The following GALNTL6 variants were observed in gnomAD, a reference collection of about 807,000 sequenced individuals.
GALNTL6 encodes polypeptide N-acetylgalactosaminyltransferase like 6.
A neutral mutation model predicts 73.7 loss-of-function variants in GALNTL6; 46 were observed. That is an observed-to-expected ratio of 0.62 (90% CI 0.49 to 0.80). The LOEUF (loss-of-function observed/expected upper bound fraction) is 0.80. Ranked by LOEUF, GALNTL6 falls within the 30% of genes least tolerant of loss-of-function variation. GALNTL6 has a pLI of 0.00. For synonymous variants in GALNTL6, 259 were observed against 263.7 expected (o/e 0.98, Z 0.17); for missense variants, 604 against 755.0 (o/e 0.80, Z 2.34).
At chr4:172,374,415 A>G (rs7689286) in intron 5 of GALNTL6, among the ~76,000 whole-genome samples, 121,668 of 150,966 alleles carry the variant, frequency 0.81, 49,861 homozygotes, top group Non-Finnish European at 0.88. Context: ...TCTGCAGCTG[A>G]TTGGGTAATA....
At chr4:172,670,196 A>G (rs1731897381) in intron 5 of GALNTL6, among the ~76,000 whole-genome samples, 1 of 152,136 alleles carries the variant, frequency 6.6e-6, no homozygotes, top group Non-Finnish European at 1.5e-5. Context: ...GTCAAATGCC[A>G]TTTCTCATAT....
At chr4:172,414,727 G>T (rs184755357) in intron 5 of GALNTL6, among the ~76,000 whole-genome samples, 12 of 152,018 alleles carry the variant, frequency 7.9e-5, no homozygotes, top group Admixed American at 6.6e-4. Flanking sequence ...ACTTAACTCC[G>T]TCACCTACTG....
At chr4:172,062,011 C>T (rs1304126512) in intron 2 of GALNTL6, among the ~76,000 whole-genome samples, 1 of 146,746 alleles carries the variant, frequency 6.8e-6, no homozygotes, top group African/African-American at 2.5e-5. Flanking sequence ...TGCAATGGCA[C>T]GATCTTGGCT....
intron 4 of GALNTL6, among the ~76,000 whole-genome samples, chr4:172,322,221 G>A (rs183391730): frequency 3.9e-5 from 6 of 152,190 alleles, no homozygotes; most frequent in Admixed American, 1.3e-4. Flanking sequence ...GCACTTGGCC[G>A]TCTTCTATGC....
At position 172,536,801 on chromosome 4, in the gene GALNTL6, G is replaced by T. The variant is rs535529833; in HGVS notation, c.553+188112G>T. On this transcript the variant is annotated intron_variant, in intron 5 of 12. Transcript: ENST00000506823. Reference sequence around the variant, plus strand: ...AGAAAAGAAAAACCTATTTTCTGGGGAGAAATTCAAGCCAGCAGCAGAAAT... The same window carrying T: ...AGAAAAGAAAAACCTATTTTCTGGGTAGAAATTCAAGCCAGCAGCAGAAAT... 2.6e-5 allele frequency among the ~76,000 whole-genome samples: 4 copies of T among 152,262 alleles called. No individual in the cohort carries two copies. In the East Asian group the frequency reaches 5.8e-4, roughly 22 times the overall value.
At chr4:172,062,112 G>A (rs1731222928) in intron 2 of GALNTL6, among the ~76,000 whole-genome samples, 2 of 150,492 alleles carry the variant, frequency 1.3e-5, no homozygotes, top group South Asian at 4.2e-4. Context: ...ACCATGCCCA[G>A]CTAATTTTTG....
At chr4:173,032,175 C>T (rs1265313302) in intron 12 of GALNTL6, among the ~76,000 whole-genome samples, 1 of 152,218 alleles carries the variant, frequency 6.6e-6, no homozygotes, top group Non-Finnish European at 1.5e-5. Flanking sequence ...AAGGGCTGGG[C>T]GCTGTGGCTC....
At chr4:172,397,346 C>A (rs1361904031) in intron 5 of GALNTL6, among the ~76,000 whole-genome samples, 1 of 151,972 alleles carries the variant, frequency 6.6e-6, no homozygotes, top group African/African-American at 2.4e-5. Context: ...AATTTGAGGG[C>A]AAGATTTAGA....
intron 4 of GALNTL6, among the ~76,000 whole-genome samples, chr4:172,325,869 A>T (rs1307966640): frequency 6.6e-6 from 1 of 151,968 alleles, no homozygotes; most frequent in East Asian, 1.9e-4. Context: ...ATAAAAAAAG[A>T]AAACTAAAAG....
At chr4:173,009,822 T>A (rs948258676) in intron 11 of GALNTL6, among the ~76,000 whole-genome samples, 19 of 152,220 alleles carry the variant, frequency 1.2e-4, no homozygotes, top group African/African-American at 3.4e-4. Flanking sequence ...GGAAATACTT[T>A]AAGGCTATGT....
At chr4:172,829,499 C>T (rs1438710531) in intron 7 of GALNTL6, among the ~76,000 whole-genome samples, 1 of 152,162 alleles carries the variant, frequency 6.6e-6, no homozygotes, top group African/African-American at 2.4e-5. Context: ...GGATGCAGGG[C>T]ATGGGATCTG....
rs531755924 is a variant in GALNTL6 at position 172,318,370 on chromosome 4, T to C, written c.386+6618T>C. On this transcript the variant is annotated intron_variant, in intron 4 of 12. Transcript: ENST00000506823. ...GTTTAAGACTTGTCAGACATTAACC[T>C]TTTGGAGTGACTGACAGACCATGAG... Among the ~76,000 whole-genome samples, 100 of 152,282 alleles carry C rather than the reference T, an allele frequency of 6.6e-4. 2 individuals carry two copies. The South Asian group carries it at 0.02, about 31-fold the overall frequency.
At chr4:172,200,458 C>T (rs539285697) in intron 2 of GALNTL6, among the ~76,000 whole-genome samples, 35 of 152,168 alleles carry the variant, frequency 2.3e-4, no homozygotes, top group African/African-American at 7.2e-4. Flanking sequence ...TGAATACAAA[C>T]GTCAGCAATA....
At chr4:172,956,210 C>A (rs1398780319) in intron 10 of GALNTL6, among the ~76,000 whole-genome samples, 4 of 151,974 alleles carry the variant, frequency 2.6e-5, no homozygotes, top group African/African-American at 9.7e-5. Context: ...GCGTGGGAAC[C>A]TAGAGGGTGA....
At chr4:171,927,870 A>G (rs1738035416) in intron 2 of GALNTL6, among the ~76,000 whole-genome samples, 1 of 152,116 alleles carries the variant, frequency 6.6e-6, no homozygotes, top group African/African-American at 2.4e-5. Context: ...CAGTCACACA[A>G]AGTTCTTTCT....
intron 2 of GALNTL6, among the ~76,000 whole-genome samples, chr4:171,989,856 TG>T (rs1740278627): frequency 6.6e-6 from 1 of 152,244 alleles, no homozygotes; most frequent in South Asian, 2.1e-4. Context: ...TGAACTGGGC[TG>T]GGTTTTTCAT....
intron 4 of GALNTL6, among the ~76,000 whole-genome samples, chr4:172,322,185 A>T (rs1439536827): frequency 6.6e-6 from 1 of 152,150 alleles, no homozygotes; most frequent in Non-Finnish European, 1.5e-5. Context: ...AAAATGTCGA[A>T]CCATGCACTT....
At chr4:171,918,504 T>G (rs1190539157) in intron 2 of GALNTL6, among the ~76,000 whole-genome samples, 1 of 152,070 alleles carries the variant, frequency 6.6e-6, no homozygotes, top group Non-Finnish European at 1.5e-5. Context: ...TACCGAGATC[T>G]TTCTCCCGGA....
rs573875456 is a variant in GALNTL6 at position 172,999,343 on chromosome 4, C to T, written c.1372-9835C>T. Among the ~76,000 whole-genome samples, 141 of 152,280 alleles carry T rather than the reference C, an allele frequency of 9.3e-4. 1 individual carries two copies. The highest frequency in any genetic ancestry group is 3.1e-3 in the African/African-American group (128 of 41,562). ...CACATGGAAAAACTGTGCATGCGTG[C>T]GCACTCACACACACACACGAAAAAC... On this transcript the variant is annotated intron_variant, in intron 10 of 12. Coordinates refer to ENST00000506823, the MANE Select transcript of GALNTL6 (RefSeq NM_001034845.3).
Sources: gnomAD v4.1 joint callset for allele counts (sites outside exome capture counted in the v4.1 genomes callset) on GRCh38, gnomAD v4.1.1 for gene constraint, MANE v1.5 for transcripts, NCBI Gene and HGNC (gene_info 2026-07-23, HGNC 2026-07-21) for gene names.